The following KCNIP1 variants were observed in gnomAD, a reference collection of about 807,000 sequenced individuals.
KCNIP1 encodes potassium voltage-gated channel interacting protein 1.
Under a neutral mutation model 33.0 loss-of-function variants are expected in KCNIP1, and 18 were observed. The observed-to-expected ratio is 0.55, with a 90% CI of 0.38 to 0.81. The LOEUF (loss-of-function observed/expected upper bound fraction) is 0.81. KCNIP1 is among the 30% of genes least tolerant of loss of function. The pLI is 0.00. For synonymous variants in KCNIP1, 93 were observed against 98.3 expected (o/e 0.95, Z 0.32); for missense variants, 238 against 271.6 (o/e 0.88, Z 0.87).
intron 1 of KCNIP1, among the ~76,000 whole-genome samples, chr5:170,591,847 A>G (rs1758274347): frequency 6.6e-6 from 1 of 152,166 alleles, no homozygotes; most frequent in Non-Finnish European, 1.5e-5. Context: ...TCACTTGTCG[A>G]TGGAAATTTG....
chr5:170,717,356 A>G (rs1443610812), intron 1 of KCNIP1, among the ~76,000 whole-genome samples: 2 of 152,156 alleles, frequency 1.3e-5, no homozygotes, highest in Non-Finnish European at 2.9e-5. Context: ...AACCATAATT[A>G]AAGGCTCTGT....
At chr5:170,451,755 G>GTGTGTGTGTGTGTGTA (rs1561632504) in intron 1 of KCNIP1, among the ~76,000 whole-genome samples, 3 of 151,462 alleles carry the variant, frequency 2.0e-5, no homozygotes, top group African/African-American at 7.3e-5. Flanking sequence ...GTGTGTGTGT[G>GTGTGTGTGTGTGTGTA]TGTGTGTGTG....
At chr5:170,447,639 G>C (rs975499408) in intron 1 of KCNIP1, among the ~76,000 whole-genome samples, 1 of 152,072 alleles carries the variant, frequency 6.6e-6, no homozygotes, top group African/African-American at 2.4e-5. Flanking sequence ...CAGCCAAGAC[G>C]GGGGTGTCTT....
intron 1 of KCNIP1, among the ~76,000 whole-genome samples, chr5:170,570,404 C>T (rs144169598): frequency 6.6e-6 from 1 of 152,170 alleles, no homozygotes; most frequent in African/African-American, 2.4e-5. Context: ...GGAAAATGCA[C>T]GCTGTTACAC....
At chr5:170,390,095 C>T (rs889220235) in intron 1 of KCNIP1, among the ~76,000 whole-genome samples, 18 of 152,038 alleles carry the variant, frequency 1.2e-4, no homozygotes, top group African/African-American at 3.4e-4. Context: ...CCAGAGACCG[C>T]GAAAGTACAG....
intron 1 of KCNIP1, among the ~76,000 whole-genome samples, chr5:170,516,432 C>T (rs1755123738): frequency 6.6e-6 from 1 of 152,178 alleles, no homozygotes; most frequent in African/African-American, 2.4e-5. Flanking sequence ...CTTCGAGCAT[C>T]CCAGGACAGT....
At position 170,404,283 on chromosome 5, in the gene KCNIP1, C is replaced by T. The variant is rs368343149; in HGVS notation, c.88+50319C>T. On this transcript the variant is annotated intron_variant, in intron 1 of 7. Transcript: ENST00000377360. ...ATAATTCTACCATTTAATAAATGTA[C>T]TATGTGCATTTATAAATTTTTTTCC... 3.3e-5 allele frequency among the ~76,000 whole-genome samples: 5 copies of T among 152,238 alleles called. No individual in the cohort carries two copies. In the East Asian group the frequency reaches 9.6e-4, roughly 29 times the overall value.
At chr5:170,697,180 C>T (rs1287649216) in intron 1 of KCNIP1, among the ~76,000 whole-genome samples, 1 of 152,128 alleles carries the variant, frequency 6.6e-6, no homozygotes, top group African/African-American at 2.4e-5. Context: ...GGAAGCCTGC[C>T]CTGAATGCCT....
intron 1 of KCNIP1, among the ~76,000 whole-genome samples, chr5:170,538,903 A>G (rs1756093661): frequency 6.6e-6 from 1 of 151,924 alleles, no homozygotes; most frequent in African/African-American, 2.4e-5. Context: ...CTTCTCAGCT[A>G]GCCTTCTTTA....
At chr5:170,480,096 A>T (rs989197054) in intron 1 of KCNIP1, among the ~76,000 whole-genome samples, 1 of 152,190 alleles carries the variant, frequency 6.6e-6, no homozygotes, top group Non-Finnish European at 1.5e-5. Context: ...ATATATATGC[A>T]CACTTACCTT....
chr5:170,676,173 G>GAAGGAAAGGA (rs56218336), intron 1 of KCNIP1, among the ~76,000 whole-genome samples: 9,524 of 100,760 alleles, frequency 0.095, 594 homozygotes, highest in Non-Finnish European at 0.12. Flanking sequence ...GGGAAAGAAG[G>GAAGGAAAGGA]AAGGAAAGGA....
intron 1 of KCNIP1, among the ~76,000 whole-genome samples, chr5:170,435,857 T>C (rs957019706): frequency 1.1e-4 from 16 of 152,132 alleles, no homozygotes; most frequent in African/African-American, 3.6e-4. Context: ...CTCCCTTTCC[T>C]ACATCATCTT....
At chr5:170,445,932 C>T (rs769124439) in intron 1 of KCNIP1, among the ~76,000 whole-genome samples, 1 of 152,186 alleles carries the variant, frequency 6.6e-6, no homozygotes, top group Non-Finnish European at 1.5e-5. Flanking sequence ...GTTTGATTTG[C>T]CCAGTATCCA....
intron 2 of KCNIP1, 140 bp downstream of exon 2, chr5:170,719,022 G>T: frequency 8.9e-7 from 1 of 1,121,584 alleles, no homozygotes; most frequent in Non-Finnish European, 1.2e-6. Context: ...GGGGGCATGA[G>T]AGGGAGATCA....
rs112264939 is a variant in KCNIP1, at chr5:170,690,195, T to C, written c.62-28563T>C. On this transcript the variant is annotated intron_variant, in intron 1 of 7. Transcript: ENST00000328939. ...GCAGGGATTTTTCTCCAAAGCTTCC[T>C]CACACCTTGGAATGCATTTGGGGGC... Among the ~76,000 whole-genome samples the C allele has an allele frequency of 3.6e-3, 545 of 152,280 alleles. 2 individuals carry two copies. Among genetic ancestry groups the C allele is most frequent in the African/African-American group, 0.012 (500 of 41,568 alleles).
chr5:170,586,895 G>A (rs1269667024), intron 1 of KCNIP1, among the ~76,000 whole-genome samples: 1 of 152,182 alleles, frequency 6.6e-6, no homozygotes, highest in East Asian at 1.9e-4. Context: ...ACTGTGCTCA[G>A]CTCTGACCAC....
chr5:170,427,199 T>C (rs1236393617), intron 1 of KCNIP1, among the ~76,000 whole-genome samples: 1 of 152,164 alleles, frequency 6.6e-6, no homozygotes, highest in Non-Finnish European at 1.5e-5. Context: ...CTTAAAGAGG[T>C]GCTGAGAGTC....
rs373164588 is a variant in KCNIP1 at position 170,722,665 on chromosome 5, G to C, written c.328-48G>C. On this transcript the variant is annotated intron_variant, in intron 4 of 7. Transcript: ENST00000328939. ...TGACCCAAAGACACAGCTTCACACT[G>C]TCTGATGGCTTGATGGTTAATGTCA... The C allele has an allele frequency of 4.7e-6, 6 of 1,287,990 alleles. No homozygotes were observed. The African/African-American group carries it at 7.3e-5, about 16-fold the overall frequency. 79.8% of individuals were successfully genotyped at this position (1,287,990 alleles called of 1,614,324 possible).
intron 1 of KCNIP1, among the ~76,000 whole-genome samples, chr5:170,595,312 C>A (rs1758406046): frequency 6.6e-6 from 1 of 152,230 alleles, no homozygotes; most frequent in Admixed American, 6.5e-5. Flanking sequence ...CTCCTTGGAC[C>A]AGGGAGCTGC....
Sources: gnomAD v4.1 joint callset for allele counts (sites outside exome capture counted in the v4.1 genomes callset) on GRCh38, gnomAD v4.1.1 for gene constraint, MANE v1.5 for transcripts, NCBI Gene and HGNC (gene_info 2026-07-23, HGNC 2026-07-21) for gene names.